The following KMT2C variants were observed in gnomAD, a reference collection of about 807,000 sequenced individuals.
KMT2C encodes lysine methyltransferase 2C.
In KMT2C, 88 loss-of-function variants were observed where a neutral mutation model predicts 507.9. The ratio of observed to expected loss-of-function variants is 0.17; its 90% CI spans 0.15 to 0.21. The LOEUF (loss-of-function observed/expected upper bound fraction) is 0.21, where lower values mean the gene tolerates loss of function less well. Ranked by LOEUF, KMT2C falls within the 10% of genes least tolerant of loss-of-function variation. The pLI, the probability that KMT2C is intolerant of heterozygous loss-of-function variation, is 1.00. For synonymous variants in KMT2C, 2,049 were observed against 2,080.8 expected (o/e 0.98, Z 0.42); for missense variants, 4,954 against 5,957.8 (o/e 0.83, Z 5.55).
chr7:152,260,861 A>G (rs114628886), intron 9 of KMT2C, among the ~76,000 whole-genome samples: 68 of 144,806 alleles, frequency 4.7e-4, no homozygotes, highest in African/African-American at 1.3e-3. Context: ...TAGGTTAATC[A>G]AATCAAACAG....
At chr7:152,326,738 G>A (rs540533105) in intron 3 of KMT2C, among the ~76,000 whole-genome samples, 32 of 152,182 alleles carry the variant, frequency 2.1e-4, no homozygotes, top group Non-Finnish European at 4.0e-4. Flanking sequence ...AAAATTAGCC[G>A]GGTGTGGTGG....
chr7:152,411,251 C>T lies in KMT2C; in HGVS notation c.161+24375G>A, dbSNP rs999740989. ...TCCTTAGGATATTTTGGGGTTCTGG[C>T]CTTTTGTTGTGCCAGATATAATACC... On this transcript the variant is annotated intron_variant, in intron 1 of 58. Transcript: ENST00000262189. Among the ~76,000 whole-genome samples, 12 of 151,996 alleles carry T rather than the reference C, an allele frequency of 7.9e-5. No individual in the cohort carries two copies. In the East Asian group the frequency reaches 2.1e-3, roughly 27 times the overall value.
intron 2 of KMT2C, among the ~76,000 whole-genome samples, chr7:152,352,230 G>A (rs1264932612): frequency 1.3e-5 from 2 of 152,158 alleles, no homozygotes; most frequent in Non-Finnish European, 2.9e-5. Context: ...GGCTTATTAG[G>A]AAGAGGATAT....
At chr7:152,141,148 G>A (rs2090486025) in intron 55 of KMT2C, among the ~76,000 whole-genome samples, 1 of 152,118 alleles carries the variant, frequency 6.6e-6, no homozygotes, top group Non-Finnish European at 1.5e-5. Context: ...GCTGAGCCAA[G>A]AGAATTGCTT....
At position 152,151,548 on chromosome 7, in the gene KMT2C, A is replaced by G; in HGVS notation, c.12560T>C (p.Ile4187Thr). 3 of 1,614,178 alleles carry G rather than the reference A, an allele frequency of 1.9e-6. No individual in the cohort carries two copies. Among genetic ancestry groups the G allele is most frequent in the Non-Finnish European group, 2.5e-6 (3 of 1,179,990 alleles). The change falls in exon 50 of 59, where the codon ATT becomes ACT. Residue 4187 changes from isoleucine to threonine, a missense_variant. Coordinates refer to ENST00000262189, the MANE Select transcript of KMT2C (RefSeq NM_170606.3). ...TGGTCTGAGTGCTGCGCTTTCTGCAATACCATGACTAGAATCCTTATATCC... is the reference window on the plus strand; with the variant it reads ...TGGTCTGAGTGCTGCGCTTTCTGCAGTACCATGACTAGAATCCTTATATCC... ...LSGYKDSSHG[I>T]AESAALRPQW...
At chr7:152,362,662 C>T (rs796938080) in intron 1 of KMT2C, among the ~76,000 whole-genome samples, 21 of 152,236 alleles carry the variant, frequency 1.4e-4, no homozygotes, top group African/African-American at 4.8e-4. Flanking sequence ...CCATGTTTTG[C>T]TCTACTTTGA....
rs140129526 is a variant in KMT2C at position 152,423,327 on chromosome 7, G to A, written c.161+12299C>T. Among the ~76,000 whole-genome samples, 165 of 152,284 alleles carry A rather than the reference G, an allele frequency of 1.1e-3. 2 individuals are homozygous for A. The highest frequency in any genetic ancestry group is 7.1e-3 in the Admixed American group (108 of 15,300). On this transcript the variant is annotated intron_variant, in intron 1 of 58. Transcript: ENST00000262189. The stretch of plus-strand genomic sequence containing the variant: ...TGCACTCCAGCCTGCATGACAGAGC[G>A]AGACTCTGTCTCAGAAAACAAACAA...
At position 152,176,429 on chromosome 7, in the gene KMT2C, T is replaced by G. The variant is rs1587942980; in HGVS notation, c.9024A>C (p.Lys3008Asn). Residue 3008 changes from lysine (K) to asparagine (N), a missense_variant, in exon 38 of 59, where the codon AAA (lysine) becomes AAC (asparagine). Coordinates refer to ENST00000262189, the MANE Select transcript of KMT2C (RefSeq NM_170606.3). ...STVNHSLGTG[K>N]PATQTGPQTS... The stretch of plus-strand genomic sequence containing the variant: ...TTTGAGGCCCAGTTTGAGTTGCAGG[T>G]TTTCCTGTCCCCAGACTGTGGTTAA... 6.2e-7 allele frequency: 1 copy of G among 1,614,106 alleles called. No individual in the cohort carries two copies. Among genetic ancestry groups the G allele is most frequent in the South Asian group, 1.1e-5 (1 of 91,078 alleles).
chr7:152,377,551 A>G (rs1205457851), intron 1 of KMT2C, among the ~76,000 whole-genome samples: 1 of 152,184 alleles, frequency 6.6e-6, no homozygotes, highest in Non-Finnish European at 1.5e-5. Flanking sequence ...CCTGGCCAAC[A>G]TGGCAAAACC....
chr7:152,186,993 CG>C (rs2093646607), intron 33 of KMT2C, among the ~76,000 whole-genome samples: 1 of 152,042 alleles, frequency 6.6e-6, no homozygotes, highest in Admixed American at 6.6e-5. Flanking sequence ...TCACATAACA[CG>C]GATTTCTGCA....
rs547924171 is a variant in KMT2C at position 152,297,077 on chromosome 7, G to A, written c.849+12889C>T. On this transcript the variant is annotated intron_variant, in intron 6 of 58. Coordinates refer to ENST00000262189, the MANE Select transcript of KMT2C (RefSeq NM_170606.3). ...AGACAGAGAGAGAGAGAGAGAGAGA[G>A]AGAGAGAGAGAGAGAGAAAGAAAGA... is the stretch of plus-strand genomic sequence containing the variant. Among the ~76,000 whole-genome samples, 455 of 130,542 alleles carry A rather than the reference G, an allele frequency of 3.5e-3. 13 individuals are homozygous for A. The highest frequency in any genetic ancestry group is 0.012 in the African/African-American group (307 of 26,424). The allele number at this position is 130,542 out of a possible 152,430, so 85.6% of individuals were successfully genotyped here.
Position 152,187,733 on chromosome 7 carries a change from G to T in KMT2C, c.4775C>A (p.Ser1592Tyr). The change falls in exon 32 of 59, where the codon TCC (serine) becomes TAC (tyrosine). Residue 1592 changes from serine to tyrosine, a missense_variant. By Grantham distance (144) the Ser-to-Tyr change is moderately radical. This residue lies in a region of KMT2C where 195 missense variants were observed against 183.7 expected (regional missense o/e 1.06). Coordinates refer to ENST00000262189, the MANE Select transcript of KMT2C (RefSeq NM_170606.3). Reference sequence around the variant, plus strand: ...CTTGTACCTGGCATCAGGATAAGAGGATTGTGCAATTGCAGAGAAAGTTCC... The same window carrying T: ...CTTGTACCTGGCATCAGGATAAGAGTATTGTGCAATTGCAGAGAAAGTTCC... ...GLGTFSAIAQ[S>Y]SYPDARDKNS... is the part of the protein sequence containing the mutation. 1 of 1,614,066 alleles carries T rather than the reference G, an allele frequency of 6.2e-7. No homozygotes were observed. The highest frequency in any genetic ancestry group is 8.5e-7 in the Non-Finnish European group (1 of 1,179,984).
chr7:152,225,601 T>TA (rs1029707572), intron 18 of KMT2C, among the ~76,000 whole-genome samples: 18 of 152,244 alleles, frequency 1.2e-4, no homozygotes, highest in African/African-American at 4.3e-4. Context: ...TAAAGTTACT[T>TA]AGAGATATGC....
At chr7:152,140,479 G>A (rs1277174756) in intron 55 of KMT2C, among the ~76,000 whole-genome samples, 7 of 152,220 alleles carry the variant, frequency 4.6e-5, no homozygotes, top group Admixed American at 4.6e-4. Flanking sequence ...CAGGTTGGTA[G>A]CACAACTTGT....
intron 2 of KMT2C, among the ~76,000 whole-genome samples, chr7:152,331,491 C>T (rs1589241445): frequency 6.6e-6 from 1 of 151,600 alleles, no homozygotes; most frequent in Non-Finnish European, 1.5e-5. Flanking sequence ...CACCTGTAGT[C>T]CTAGCGACTC....
chr7:152,428,488 G>A (rs963349448), intron 1 of KMT2C, among the ~76,000 whole-genome samples: 3 of 148,118 alleles, frequency 2.0e-5, no homozygotes, highest in Admixed American at 6.8e-5. Flanking sequence ...AAAACTAGCC[G>A]GGCATGGTGG....
chr7:152,296,107 G>C (rs2129189129), intron 6 of KMT2C, among the ~76,000 whole-genome samples: 1 of 149,026 alleles, frequency 6.7e-6, no homozygotes, highest in Non-Finnish European at 1.5e-5. Flanking sequence ...AACACTCAAG[G>C]TAATTCTAGC....
At chr7:152,303,199 A>G (rs572392632) in intron 6 of KMT2C, among the ~76,000 whole-genome samples, 9 of 152,248 alleles carry the variant, frequency 5.9e-5, no homozygotes, top group Non-Finnish European at 1.2e-4. Flanking sequence ...GGTATGTTTC[A>G]GAGAAAACAA....
At chr7:152,394,124 C>G (rs1023218742) in intron 1 of KMT2C, among the ~76,000 whole-genome samples, 1 of 152,154 alleles carries the variant, frequency 6.6e-6, no homozygotes, top group African/African-American at 2.4e-5. Context: ...GCCTATCATG[C>G]TTCAAATCAT....
Sources: gnomAD v4.1 joint callset for allele counts (sites outside exome capture counted in the v4.1 genomes callset) on GRCh38, gnomAD v4.1.1 for gene constraint, gnomAD v4.1.1 regional missense constraint, MANE v1.5 for transcripts, NCBI Gene and HGNC (gene_info 2026-07-23, HGNC 2026-07-21) for gene names.